FOCAD: variants seen among roughly 807,000 people sequenced by gnomAD.
FOCAD encodes focadhesin.
FOCAD carries 198 observed loss-of-function variants against 225.6 expected under a neutral mutation model. The observed-to-expected ratio is 0.88, with a 90% CI of 0.78 to 0.99. FOCAD has a LOEUF of 0.99. Ranked by LOEUF, FOCAD falls within the 50% of genes least tolerant of loss-of-function variation. FOCAD has a pLI of 0.00. For missense variants in FOCAD, 2,713 were observed against 2,123.6 expected, an observed-to-expected ratio of 1.28 and a Z score of -5.46; for synonymous variants, 897 against 755.0, an observed-to-expected ratio of 1.19 and a Z score of -3.08.
intron 15 of FOCAD, among the ~76,000 whole-genome samples, chr9:20,846,291 G>T (rs1157174348): frequency 6.6e-6 from 1 of 152,032 alleles, no homozygotes; most frequent in Non-Finnish European, 1.5e-5. Context: ...TCACCTCCTG[G>T]AGATTAGGCT....
At chr9:20,857,433 G>T (rs1828297837) in intron 15 of FOCAD, among the ~76,000 whole-genome samples, 1 of 151,844 alleles carries the variant, frequency 6.6e-6, no homozygotes, top group Non-Finnish European at 1.5e-5. Context: ...ACTGATTTTT[G>T]AATGTTAATT....
At chr9:20,666,026 C>G (rs1229703714) in intron 2 of FOCAD, among the ~76,000 whole-genome samples, 1 of 152,128 alleles carries the variant, frequency 6.6e-6, no homozygotes, top group Non-Finnish European at 1.5e-5. Flanking sequence ...TCCCGAGTAG[C>G]TGGGATAACA....
At chr9:20,830,581 G>A (rs369607389) in intron 15 of FOCAD, among the ~76,000 whole-genome samples, 4 of 152,126 alleles carry the variant, frequency 2.6e-5, no homozygotes, top group East Asian at 3.9e-4. Flanking sequence ...GATTTTTGAT[G>A]TAGCGACATA....
chr9:20,964,195 G>T (rs146449166), intron 35 of FOCAD, among the ~76,000 whole-genome samples: 1 of 151,900 alleles, frequency 6.6e-6, no homozygotes, highest in East Asian at 1.9e-4. Flanking sequence ...GTGAAACCCC[G>T]TCTATACAGA....
chr9:20,665,981 G>T (rs991211175), intron 2 of FOCAD, among the ~76,000 whole-genome samples: 2 of 152,012 alleles, frequency 1.3e-5, no homozygotes, highest in African/African-American at 4.8e-5. Context: ...TGCAACCTCC[G>T]CCTTCCAGGT....
At chr9:20,942,315 G>A (rs543438577) in intron 28 of FOCAD, among the ~76,000 whole-genome samples, 1 of 152,282 alleles carries the variant, frequency 6.6e-6, no homozygotes, top group Admixed American at 6.5e-5. Flanking sequence ...ATGAAAGAGG[G>A]GCTTCAATCT....
At chr9:20,872,175 AGAT>A (rs1829838493) in intron 18 of FOCAD, among the ~76,000 whole-genome samples, 1 of 152,178 alleles carries the variant, frequency 6.6e-6, no homozygotes, top group Admixed American at 6.5e-5. Flanking sequence ...ACTGCATAGA[AGAT>A]AAATTAATAT....
At chr9:20,888,586 C>T (rs957033084) in intron 21 of FOCAD, among the ~76,000 whole-genome samples, 4 of 151,714 alleles carry the variant, frequency 2.6e-5, no homozygotes, top group African/African-American at 4.8e-5. Flanking sequence ...TATTTTTATT[C>T]TTTTAAATTA....
chr9:20,842,264 A>C (rs145730280), intron 15 of FOCAD, among the ~76,000 whole-genome samples: 3 of 151,862 alleles, frequency 2.0e-5, no homozygotes, highest in African/African-American at 7.2e-5. Context: ...TATTAGGTCT[A>C]TTTGTTCTGT....
At chr9:20,813,753 A>G (rs1292237227) in intron 11 of FOCAD, among the ~76,000 whole-genome samples, 1 of 152,158 alleles carries the variant, frequency 6.6e-6, no homozygotes, top group Non-Finnish European at 1.5e-5. Flanking sequence ...TTTGGTCTAC[A>G]GTGTTGTTGA....
At chr9:20,982,269 G>A in intron 38 of FOCAD, 88 bp from the exon 39 acceptor site, 1 of 926,332 alleles carries the variant, frequency 1.1e-6, no homozygotes, top group African/African-American at 1.7e-5. Flanking sequence ...GCTGTTCATG[G>A]GGATAAGAAA....
chr9:20,802,843 T>C (rs1821995957), intron 11 of FOCAD, among the ~76,000 whole-genome samples: 1 of 152,186 alleles, frequency 6.6e-6, no homozygotes, highest in Non-Finnish European at 1.5e-5. Flanking sequence ...TTTAGCACAA[T>C]GAATGTGGTG....
chr9:20,701,993 G>A lies in FOCAD; in HGVS notation c.-32-13329G>A, dbSNP rs538954907. ...AAACAAGGTATTAGATTCAGACTCA[G>A]AATAATAACATTTAAAAACCGTTTG... On this transcript the variant is annotated intron_variant, in intron 1 of 43. Coordinates refer to ENST00000338382, the MANE Select transcript of FOCAD (RefSeq NM_001375567.1). Among the ~76,000 whole-genome samples, 7 of 152,222 alleles carry A rather than the reference G, an allele frequency of 4.6e-5. No individual in the cohort carries two copies. The South Asian group carries it at 1.5e-3, about 32-fold the overall frequency.
rs149294611 is a variant in FOCAD at position 20,912,785 on chromosome 9, T to A, written c.2719-81T>A. ...ACACTTAAGGCCAAATGGAAAAGGATATATCTGTGTTTTCCAAAGAAATTT... is the reference window on the plus strand; with the variant it reads ...ACACTTAAGGCCAAATGGAAAAGGAAATATCTGTGTTTTCCAAAGAAATTT... On this transcript the variant is annotated intron_variant, in intron 22 of 43. Transcript: ENST00000338382. 1.4e-3 allele frequency: 1,593 copies of A among 1,103,868 alleles called. 8 individuals are homozygous for A. In the African/African-American group the frequency reaches 0.022, roughly 15 times the overall value. The allele number at this position is 1,103,868 out of a possible 1,614,324, so 68.4% of individuals were successfully genotyped here. A position where few individuals can be genotyped will look rare whatever the true frequency, so the allele number is the denominator to read the frequency against.
intron 15 of FOCAD, among the ~76,000 whole-genome samples, chr9:20,847,472 ATT>A (rs11338930): frequency 0.017 from 2,491 of 142,826 alleles, 23 homozygotes; most frequent in Non-Finnish European, 0.025. Flanking sequence ...ATCTGCTCAG[ATT>A]TTTTTTTTTT....
At chr9:20,828,703 T>C (rs1461765615) in intron 15 of FOCAD, among the ~76,000 whole-genome samples, 1 of 152,122 alleles carries the variant, frequency 6.6e-6, no homozygotes, top group African/African-American at 2.4e-5. Context: ...ACGTGTGCCA[T>C]GGTGGTTTGC....
chr9:20,862,488 T>C (rs1828860435), intron 15 of FOCAD, 90 bp from the exon 16 acceptor site: 1 of 1,401,394 alleles, frequency 7.1e-7, no homozygotes, highest in Admixed American at 2.4e-5. Context: ...TTTCTTAAGT[T>C]TCCTTATAAT....
At position 20,949,782 on chromosome 9, in the gene FOCAD, C is replaced by G. The variant is rs1380606167; in HGVS notation, c.3948+107C>G. On this transcript the variant is annotated intron_variant, in intron 33 of 43. Transcript: ENST00000338382. ...TTTTACCTGGAAAATGGGAAAGTCT[C>G]TGGTTATTCCCGCTGAGTTCAAGAG... 5 of 960,760 alleles carry G rather than the reference C, an allele frequency of 5.2e-6. No homozygotes were observed. In the Admixed American group the frequency reaches 5.9e-5, roughly 11 times the overall value. The allele number at this position is 960,760 out of a possible 1,614,324, so 59.5% of individuals were successfully genotyped here.
At chr9:20,852,414 T>C (rs1013018086) in intron 15 of FOCAD, among the ~76,000 whole-genome samples, 2 of 151,528 alleles carry the variant, frequency 1.3e-5, no homozygotes, top group African/African-American at 2.4e-5. Context: ...ATTTTCCCTA[T>C]TGTTTATCCA....
Sources: allele counts gnomAD v4.1 joint callset (sites outside exome capture counted in the v4.1 genomes callset), GRCh38; gene constraint gnomAD v4.1.1; transcripts MANE v1.5; gene names NCBI Gene and HGNC (gene_info 2026-07-23, HGNC 2026-07-21).